MYO1B: variants seen among roughly 807,000 people sequenced by gnomAD.
MYO1B encodes the protein unconventional myosin-Ib.
A neutral mutation model predicts 159.7 loss-of-function variants in MYO1B; 72 were observed. That is an observed-to-expected ratio of 0.45 (90% confidence interval 0.37 to 0.55). The LOEUF (loss-of-function observed/expected upper bound fraction) is 0.55, where lower values mean the gene tolerates loss of function less well. Among genes scored for constraint, MYO1B ranks in the 20% least tolerant of loss-of-function variants. The pLI is 0.00. For synonymous variants in MYO1B, 468 were observed against 473.8 expected (o/e 0.99, Z 0.16); for missense variants, 1,062 against 1,364.8 (o/e 0.78, Z 3.50).
At chr2:191,286,538 T>C (rs1688384165) in intron 2 of MYO1B, among the ~76,000 whole-genome samples, 1 of 152,214 alleles carries the variant, frequency 6.6e-6, no homozygotes, top group African/African-American at 2.4e-5. Flanking sequence ...CACTGGTCTG[T>C]CTTGTATAGT....
intron 7 of MYO1B, among the ~76,000 whole-genome samples, chr2:191,354,183 G>A (rs1300882590): frequency 6.6e-6 from 1 of 151,902 alleles, no homozygotes; most frequent in African/African-American, 2.4e-5. Flanking sequence ...TTGAACCTGG[G>A]AGGCAGAGTT....
chr2:191,263,852 AT>A (rs1686964091), intron 1 of MYO1B, among the ~76,000 whole-genome samples: 1 of 152,196 alleles, frequency 6.6e-6, no homozygotes. Context: ...TAGCAGAACT[AT>A]TCAAATTTAG....
intron 7 of MYO1B, among the ~76,000 whole-genome samples, chr2:191,356,337 CTTT>C (rs79525897): frequency 2.8e-5 from 3 of 106,450 alleles, no homozygotes; most frequent in Admixed American, 9.9e-5. Context: ...GGCTGGGCTT[CTTT>C]TTTTTTTTTT....
chr2:191,372,879 CTTTTTTTTTTTTTTTTT>C (rs34444520), intron 13 of MYO1B, among the ~76,000 whole-genome samples: 46 of 70,150 alleles, frequency 6.6e-4, no homozygotes, highest in Middle Eastern at 0.033. Flanking sequence ...GTTATATTTC[CTTTTTTTTTTTTTTTTT>C]TTTTTTTTTG....
rs1363852825 is a variant in MYO1B, at chr2:191,341,484, T to A, written c.370T>A (p.Tyr124Asn). The A allele has an allele frequency of 6.2e-7, 1 of 1,613,942 alleles. No homozygotes were observed. Among genetic ancestry groups the A allele is most frequent in the Non-Finnish European group, 8.5e-7 (1 of 1,179,976 alleles). Residue 124 changes from tyrosine to asparagine, a missense_variant, in exon 5 of 31, where the codon TAT (tyrosine) becomes AAT (asparagine). By Grantham distance (143) the Tyr-to-Asn change is moderately radical (BLOSUM62 -2). This residue lies in a region of MYO1B where 415 missense variants were observed against 544.0 expected (regional missense o/e 0.76). Coordinates refer to ENST00000392318, the MANE Select transcript of MYO1B (RefSeq NM_001130158.3). Reference protein sequence around the residue: ...KTEASKLVMSYVAAVCGKGAE... With the variant: ...KTEASKLVMSNVAAVCGKGAE... ...AGAGGCCAGTAAGCTTGTCATGTCC[T>A]ATGTGGCAGCTGTTTGTGGAAAAGG... is the stretch of plus-strand genomic sequence containing the variant.
intron 2 of MYO1B, among the ~76,000 whole-genome samples, chr2:191,286,404 T>C (rs1338140405): frequency 6.6e-6 from 1 of 151,958 alleles, no homozygotes; most frequent in Non-Finnish European, 1.5e-5. Flanking sequence ...AGATGTCTAA[T>C]TAAAAACACC....
intron 7 of MYO1B, among the ~76,000 whole-genome samples, chr2:191,359,956 T>A (rs1693559006): frequency 6.6e-6 from 1 of 152,108 alleles, no homozygotes; most frequent in East Asian, 1.9e-4. Context: ...TTATCTGGAG[T>A]CAATGAAAAT....
chr2:191,321,106 G>GTACTT (rs1690682062), intron 3 of MYO1B, among the ~76,000 whole-genome samples: 2 of 152,096 alleles, frequency 1.3e-5, no homozygotes, highest in African/African-American at 2.4e-5. Context: ...TGGATATGAC[G>GTACTT]TACTTTAGAT....
At chr2:191,259,020 C>T (rs4853565) in intron 1 of MYO1B, among the ~76,000 whole-genome samples, 82,132 of 152,068 alleles carry the variant, frequency 0.54, 25,718 homozygotes, top group Non-Finnish European at 0.68. Flanking sequence ...GTGAGCCAGG[C>T]TGGACATTAG....
At chr2:191,366,172 G>A (rs1467375168) in intron 11 of MYO1B, among the ~76,000 whole-genome samples, 1 of 152,114 alleles carries the variant, frequency 6.6e-6, no homozygotes, top group Non-Finnish European at 1.5e-5. Context: ...AGACCCTTTA[G>A]GAATATGTAT....
At chr2:191,269,961 G>T (rs776535337) in intron 1 of MYO1B, among the ~76,000 whole-genome samples, 5 of 152,182 alleles carry the variant, frequency 3.3e-5, no homozygotes, top group Admixed American at 1.3e-4. Context: ...TTTTGGAAAT[G>T]TGTTGAGCTG....
At chr2:191,352,033 T>G (rs1574488554) in intron 7 of MYO1B, among the ~76,000 whole-genome samples, 1 of 152,326 alleles carries the variant, frequency 6.6e-6, no homozygotes, top group South Asian at 2.1e-4. Context: ...TGAATTGAAG[T>G]TGAATGGGAT....
At position 191,364,889 on chromosome 2, in the gene MYO1B, T is replaced by A. The variant is rs368595124; in HGVS notation, c.1032+613T>A. 1.9e-3 allele frequency among the ~76,000 whole-genome samples: 284 copies of A among 152,306 alleles called. 1 individual carries two copies. Among genetic ancestry groups the A allele is most frequent in the African/African-American group, 6.6e-3 (273 of 41,560 alleles). On this transcript the variant is annotated intron_variant, in intron 11 of 30. Coordinates refer to ENST00000392318, the MANE Select transcript of MYO1B (RefSeq NM_001130158.3). ...AGGAAGAGAACAATCAAGGGTGATT[T>A]AATGTTTTTGGCCCAAGCAACTGGA...
intron 7 of MYO1B, among the ~76,000 whole-genome samples, chr2:191,358,027 T>G (rs1693412941): frequency 6.6e-6 from 1 of 152,232 alleles, no homozygotes; most frequent in African/African-American, 2.4e-5. Context: ...AGATTCCTTA[T>G]CTTGTGTGAT....
At chr2:191,309,070 T>G (rs1689827481) in intron 3 of MYO1B, among the ~76,000 whole-genome samples, 1 of 152,126 alleles carries the variant, frequency 6.6e-6, no homozygotes, top group Non-Finnish European at 1.5e-5. Flanking sequence ...CGGATTTAGA[T>G]CTTCAGCTGG....
chr2:191,271,726 C>T (rs769726294), intron 1 of MYO1B, among the ~76,000 whole-genome samples: 1 of 152,170 alleles, frequency 6.6e-6, no homozygotes, highest in Non-Finnish European at 1.5e-5. Context: ...TTTATTTTAA[C>T]TTATCATCCA....
At chr2:191,421,774 C>T (rs1697957470) in intron 30 of MYO1B, among the ~76,000 whole-genome samples, 1 of 152,140 alleles carries the variant, frequency 6.6e-6, no homozygotes, top group Non-Finnish European at 1.5e-5. Context: ...CTGTGCCCAG[C>T]CACAAGTGGT....
Position 191,409,167 on chromosome 2 carries a change from C to T in MYO1B, c.2755C>T (p.His919Tyr), listed in dbSNP as rs770451021. 14 of 1,609,216 alleles carry T rather than the reference C, an allele frequency of 8.7e-6. No individual in the cohort carries two copies. The highest frequency in any genetic ancestry group is 1.1e-5 in the South Asian group (1 of 89,406). Residue 919 changes from histidine (H) to tyrosine (Y), a missense_variant, in exon 26 of 31, where the codon CAC (histidine) becomes TAC (tyrosine). This residue lies in a region of MYO1B where 609 missense variants were observed against 744.4 expected (regional missense o/e 0.82). Coordinates refer to ENST00000392318, the MANE Select transcript of MYO1B (RefSeq NM_001130158.3). ...STHKELKRIF[H>Y]LWRCKKYRDQ... Reference sequence around the variant, plus strand: ...TCACAAGGAGCTAAAAAGGATTTTCCACTTGTGGAGGGTAAAAAATGTCAT... The same window carrying T: ...TCACAAGGAGCTAAAAAGGATTTTCTACTTGTGGAGGGTAAAAAATGTCAT...
chr2:191,339,043 AACAAAGAATGCC>A (rs1472116577), intron 4 of MYO1B, among the ~76,000 whole-genome samples: 1 of 152,148 alleles, frequency 6.6e-6, no homozygotes, highest in Non-Finnish European at 1.5e-5. Context: ...GGGGATGGGG[AACAAAGAATGCC>A]ACTGAGAAAG....
Sources: gnomAD v4.1 joint callset for allele counts (sites outside exome capture counted in the v4.1 genomes callset) on GRCh38, gnomAD v4.1.1 for gene constraint, gnomAD v4.1.1 regional missense constraint, MANE v1.5 for transcripts, NCBI Gene and HGNC (gene_info 2026-07-23, HGNC 2026-07-21) for gene names.